Variants in CDH18 observed in about 807,000 individuals in gnomAD.
CDH18 encodes cadherin 18.
CDH18 carries 31 observed loss-of-function variants against 67.9 expected under a neutral mutation model. The observed-to-expected ratio is 0.46, with a 90% CI of 0.34 to 0.62. CDH18 has a LOEUF of 0.62. CDH18 is among the 20% of genes least tolerant of loss of function. The pLI is 0.01. For missense variants in CDH18, 890 were observed against 975.5 expected (o/e 0.91, Z 1.17); for synonymous variants, 362 against 347.2 (o/e 1.04, Z -0.48).
intron 2 of CDH18, among the ~76,000 whole-genome samples, chr5:20,084,739 G>T (rs538873658): frequency 2.0e-5 from 3 of 152,214 alleles, no homozygotes; most frequent in Non-Finnish European, 2.9e-5. Flanking sequence ...TGCTGGAACC[G>T]CCAAGCTTGA....
chr5:20,450,940 A>G (rs917891638), intron 1 of CDH18, among the ~76,000 whole-genome samples: 12 of 152,248 alleles, frequency 7.9e-5, no homozygotes, highest in African/African-American at 2.6e-4. Context: ...TGTGCAGGAG[A>G]AATATTCTTT....
intron 2 of CDH18, among the ~76,000 whole-genome samples, chr5:20,175,506 T>G (rs1020631105): frequency 1.8e-4 from 27 of 152,174 alleles, no homozygotes; most frequent in African/African-American, 6.3e-4. Context: ...TTGAATAGGT[T>G]TGCCAAAGTT....
At chr5:20,143,535 T>C (rs761244701) in intron 2 of CDH18, among the ~76,000 whole-genome samples, 2 of 151,620 alleles carry the variant, frequency 1.3e-5, no homozygotes, top group African/African-American at 2.4e-5. Flanking sequence ...GCCCAGATAA[T>C]TTTTTCCCCC....
intron 2 of CDH18, among the ~76,000 whole-genome samples, chr5:19,880,922 C>T (rs975063466): frequency 1.3e-5 from 2 of 152,106 alleles, no homozygotes; most frequent in Non-Finnish European, 2.9e-5. Flanking sequence ...TTCTTATTGA[C>T]TCTGTTGGCT....
At chr5:19,697,867 G>A (rs537443942) in intron 5 of CDH18, among the ~76,000 whole-genome samples, 51 of 152,078 alleles carry the variant, frequency 3.4e-4, no homozygotes, top group South Asian at 6.2e-4. Context: ...CCTGCCCAGG[G>A]ATCCACCTCT....
At chr5:20,485,653 A>T (rs1032904031) in intron 1 of CDH18, among the ~76,000 whole-genome samples, 12 of 152,092 alleles carry the variant, frequency 7.9e-5, no homozygotes, top group African/African-American at 2.7e-4. Flanking sequence ...CTTCAGAAAC[A>T]ATCTGAGGTA....
At chr5:20,296,121 G>A (rs1202681634) in intron 1 of CDH18, among the ~76,000 whole-genome samples, 1 of 151,636 alleles carries the variant, frequency 6.6e-6, no homozygotes, top group Non-Finnish European at 1.5e-5. Flanking sequence ...TGATTCGCCC[G>A]CCTCAGCCTC....
rs371706469 is a variant in CDH18, at chr5:19,828,596, A to G, written c.228+10163T>C. Among the ~76,000 whole-genome samples the G allele has an allele frequency of 5.9e-4, 90 of 152,350 alleles. 1 individual carries two copies. Among genetic ancestry groups the G allele is most frequent in the African/African-American group, 2.1e-3 (88 of 41,592 alleles). On this transcript the variant is annotated intron_variant, in intron 3 of 12. Transcript: ENST00000382275. ...ATAATTGGTTCAACATTGCAAATCAATAAGCGTGATTCATCACAGCAACAG... is the reference window on the plus strand; with the variant it reads ...ATAATTGGTTCAACATTGCAAATCAGTAAGCGTGATTCATCACAGCAACAG...
In CDH18 at chr5:19,612,450, T is replaced by A; in HGVS notation, c.795A>T (p.Pro265=). The A allele has an allele frequency of 1.2e-6, 2 of 1,614,072 alleles. No individual in the cohort carries two copies. Among genetic ancestry groups the A allele is most frequent in the Non-Finnish European group, 1.7e-6 (2 of 1,179,990 alleles). The part of the protein sequence containing the change: ...NITLTDVNDN[P]PRFPQKHYQL... The stretch of plus-strand genomic sequence containing the variant: ...AATACGTACTTTGAGGAAAGCGTGG[T>A]GGGTTGTCATTGACATCGGTTAAGG... The change falls in exon 6 of 13, where the codon CCA becomes CCT. Residue 265 remains proline (P), a synonymous_variant. Transcript: ENST00000382275.
At chr5:19,520,332 C>T (rs2126898218) in intron 10 of CDH18, among the ~76,000 whole-genome samples, 1 of 152,254 alleles carries the variant, frequency 6.6e-6, no homozygotes, top group East Asian at 1.9e-4. Flanking sequence ...AGTCCATCAA[C>T]CTCATTAAGA....
At chr5:19,493,167 T>C (rs1262874913) in intron 11 of CDH18, among the ~76,000 whole-genome samples, 2 of 152,132 alleles carry the variant, frequency 1.3e-5, no homozygotes, top group Non-Finnish European at 2.9e-5. Flanking sequence ...ACAATACAAT[T>C]TGTAGTGATC....
intron 2 of CDH18, among the ~76,000 whole-genome samples, chr5:19,873,081 T>C (rs926617725): frequency 1.3e-5 from 2 of 152,144 alleles, no homozygotes; most frequent in African/African-American, 2.4e-5. Context: ...GAAGTGTTTA[T>C]TCTAGTTACA....
intron 3 of CDH18, among the ~76,000 whole-genome samples, chr5:19,770,910 T>C (rs1017685572): frequency 2.0e-5 from 3 of 152,218 alleles, no homozygotes; most frequent in African/African-American, 7.2e-5. Flanking sequence ...AGAAACTATA[T>C]ACAAGGACAT....
chr5:20,562,705 G>A (rs969870760), intron 1 of CDH18, among the ~76,000 whole-genome samples: 2 of 151,492 alleles, frequency 1.3e-5, no homozygotes, highest in Admixed American at 1.3e-4. Flanking sequence ...TCTTTTATTG[G>A]TAAATTTAAA....
In CDH18 at chr5:20,519,942, C is replaced by CTTTTTTTTTTTTTTTTTTT. The variant is rs777265512; in HGVS notation, c.-580+55501_-580+55519dup. On this transcript the variant is annotated intron_variant, in intron 1 of 14. Transcript: ENST00000507958. Reference sequence around the variant, plus strand: ...AGGCTGGAGTACAACACAGTCTTGGCTTTTTTTTTTTTTTTTTTTTTTTTT... The same window carrying CTTTTTTTTTTTTTTTTTTT: ...AGGCTGGAGTACAACACAGTCTTGGCTTTTTTTTTTTTTTTTTTTTTTTTTTTTTTTTTTTTTTTTTTTT... 4.8e-4 allele frequency among the ~76,000 whole-genome samples: 20 copies of CTTTTTTTTTTTTTTTTTTT among 41,674 alleles called. 7 individuals carry two copies. Among genetic ancestry groups the CTTTTTTTTTTTTTTTTTTT allele is most frequent in the Non-Finnish European group, 5.4e-4 (12 of 22,184 alleles). The allele number at this position is 41,674 out of a possible 152,430, so 27.3% of individuals were successfully genotyped here.
chr5:19,860,584 A>G (rs936925761), intron 2 of CDH18, among the ~76,000 whole-genome samples: 3 of 151,898 alleles, frequency 2.0e-5, no homozygotes, highest in African/African-American at 4.8e-5. Context: ...TTTAAGGTAC[A>G]TAGTATATTT....
At chr5:20,540,330 A>G (rs1362239913) in intron 1 of CDH18, among the ~76,000 whole-genome samples, 1 of 152,190 alleles carries the variant, frequency 6.6e-6, no homozygotes, top group African/African-American at 2.4e-5. Context: ...ACAGAAATGA[A>G]TTGCAGAAAA....
chr5:19,650,178 C>G (rs1290093247), intron 5 of CDH18, among the ~76,000 whole-genome samples: 1 of 151,954 alleles, frequency 6.6e-6, no homozygotes, highest in Non-Finnish European at 1.5e-5. Context: ...AAAGCTGCCT[C>G]TTGATGGTGG....
chr5:20,348,536 G>GA (rs967581177), intron 1 of CDH18, among the ~76,000 whole-genome samples: 7 of 152,068 alleles, frequency 4.6e-5, no homozygotes, highest in Admixed American at 4.6e-4. Flanking sequence ...ACAAAGATAG[G>GA]AAAAAACCTG....
Sources: gnomAD v4.1 joint callset for allele counts (sites outside exome capture counted in the v4.1 genomes callset) on GRCh38, gnomAD v4.1.1 for gene constraint, MANE v1.5 for transcripts, NCBI Gene and HGNC (gene_info 2026-07-23, HGNC 2026-07-21) for gene names.